ADGRG4: variants seen among roughly 807,000 people sequenced by gnomAD.
ADGRG4 encodes G protein-coupled receptor 112.
ADGRG4 carries 122 observed loss-of-function variants against 126.2 expected under a neutral mutation model. That is an observed-to-expected ratio of 0.97 (90% CI 0.83 to 1.12). ADGRG4 has a LOEUF of 1.12. ADGRG4 is among the 50% of genes most tolerant of loss of function. ADGRG4 has a pLI of 0.00. For synonymous variants in ADGRG4, 943 were observed against 838.7 expected (o/e 1.12, Z -2.15); for missense variants, 2,481 against 2,251.8 (o/e 1.10, Z -2.06).
At position 136,343,918 on chromosome X, in the gene ADGRG4, G is replaced by A. The variant is rs770953067; in HGVS notation, c.686-474G>A. Among the ~76,000 whole-genome samples the A allele has an allele frequency of 2.7e-5, 3 of 111,932 alleles. No homozygotes were observed. In the South Asian group the frequency reaches 1.1e-3, roughly 41 times the overall value. ...ATGTAATGGGTGTGAAAGTGATGGA[G>A]CCAGCATTTAAAACTAATCCATTTG... On this transcript the variant is annotated intron_variant, in intron 5 of 25. Transcript: ENST00000394143.
rs988244971 is a variant in ADGRG4 at position 136,416,389 on chromosome X, T to C, written c.9206-65T>C. ...TCCTTCATTTGATAAAATTTTCTTA[T>C]GCTTCTACTATGTGCAAAGTCCCTG... On this transcript the variant is annotated intron_variant, in intron 25 of 25. Transcript: ENST00000394143. The C allele has an allele frequency of 2.2e-5, 19 of 881,040 alleles. No individual in the cohort carries two copies. In the African/African-American group the frequency reaches 3.6e-4, roughly 17 times the overall value. 72.6% of individuals were successfully genotyped at this position (881,040 alleles called of 1,213,427 possible).
intron 15 of ADGRG4, among the ~76,000 whole-genome samples, chrX:136,375,873 A>G (rs2075222473): frequency 8.9e-6 from 1 of 112,059 alleles, no homozygotes; most frequent in Admixed American, 9.5e-5. Context: ...TTTGTTGTGC[A>G]GAAGCTTTTT....
chrX:136,348,644 C>T lies in ADGRG4; in HGVS notation c.4938C>T (p.Leu1646=). ...CCAGGATCACACCTACGACCTTTCTCTCTCCAACAGAGCCAACTTTGCCCT... is the reference window on the plus strand; with the variant it reads ...CCAGGATCACACCTACGACCTTTCTTTCTCCAACAGAGCCAACTTTGCCCT... ...APSRITPTTF[L]SPTEPTLPFV... is the part of the protein sequence containing the mutation. Residue 1646 remains leucine (L), a synonymous_variant, in exon 6 of 26, where the codon CTC becomes CTT. Transcript: ENST00000394143. 1.7e-6 allele frequency: 2 copies of T among 1,210,348 alleles called. No individual in the cohort carries two copies. Among genetic ancestry groups the T allele is most frequent in the South Asian group, 3.5e-5 (2 of 56,930 alleles).
At position 136,345,349 on chromosome X, in the gene ADGRG4, T is replaced by C. The variant is rs1293938286; in HGVS notation, c.1643T>C (p.Met548Thr). 3 of 1,209,033 alleles carry C rather than the reference T, an allele frequency of 2.5e-6. No homozygotes were observed. Among genetic ancestry groups the C allele is most frequent in the Admixed American group, 2.2e-5 (1 of 45,680 alleles). Residue 548 changes from methionine to threonine, a missense_variant, in exon 6 of 26, where the codon ATG becomes ACG. By Grantham distance (81) the Met-to-Thr change is moderately conservative. Transcript: ENST00000394143. Reference protein sequence around the residue: ...PRVEDAMSTSMSKETSSKTFS... With the variant: ...PRVEDAMSTSTSKETSSKTFS... ...GTGGAAGATGCCATGTCTACTTCCATGTCGAAAGAGACCTCCTCTAAGACC... is the reference window on the plus strand; with the variant it reads ...GTGGAAGATGCCATGTCTACTTCCACGTCGAAAGAGACCTCCTCTAAGACC...
Position 136,348,942 on chromosome X carries a change from G to C in ADGRG4, c.5236G>C (p.Val1746Leu). The change falls in exon 6 of 26, where the codon GTT becomes CTT. Residue 1746 changes from valine to leucine, a missense_variant. Val to Leu is a conservative substitution (Grantham distance 32). Coordinates refer to ENST00000394143, the MANE Select transcript of ADGRG4 (RefSeq NM_153834.4). ...CACAGATACTTATTCCAGAATCACT[G>C]TTCCTGAAAATATGCTTTCACCTAC... ...ALTDTYSRIT[V>L]PENMLSPTHA... 2 of 1,208,585 alleles carry C rather than the reference G, an allele frequency of 1.7e-6. No homozygotes were observed. Among genetic ancestry groups the C allele is most frequent in the Non-Finnish European group, 2.2e-6 (2 of 893,423 alleles).
At chrX:136,304,355 T>C (rs1188321786) in intron 2 of ADGRG4, 148 bp downstream of exon 2, 1 of 112,477 alleles carries the variant, frequency 8.9e-6, no homozygotes, top group East Asian at 2.8e-4. Context: ...TGCAAATGAT[T>C]ACAATTCTTA....
rs779048026 is a variant in ADGRG4, at chrX:136,361,583, T to C, written c.7273T>C (p.Phe2425Leu). The C allele has an allele frequency of 2.6e-6, 3 of 1,173,310 alleles. No individual in the cohort carries two copies. Among genetic ancestry groups the C allele is most frequent in the South Asian group, 4.0e-5 (2 of 49,745 alleles). Reference protein sequence around the residue: ...IKNEDGNATRFCSISINTGKS... With the variant: ...IKNEDGNATRLCSISINTGKS... ...AAATGAGGATGGAAATGCCACAAGA[T>C]TCTGGTATGTACAGGCCAAGTTCTA... The change falls in exon 12 of 26, where the codon TTC becomes CTC. Residue 2425 changes from phenylalanine to leucine, a missense_variant. Coordinates refer to ENST00000394143, the MANE Select transcript of ADGRG4 (RefSeq NM_153834.4).
intron 5 of ADGRG4, among the ~76,000 whole-genome samples, chrX:136,335,304 TATTTA>T (rs1472441442): frequency 9.0e-6 from 1 of 110,803 alleles, no homozygotes; most frequent in African/African-American, 3.3e-5. Context: ...AGGATTTTTG[TATTTA>T]ATTTCAGGAG....
chrX:136,352,764 G>C (rs1010829106), intron 7 of ADGRG4, among the ~76,000 whole-genome samples: 1 of 111,638 alleles, frequency 9.0e-6, no homozygotes, highest in Non-Finnish European at 1.9e-5. Flanking sequence ...AGTGTCTATG[G>C]CTTGGTTATA....
At chrX:136,305,403 CCCTTGGG>C (rs2074727077) in intron 3 of ADGRG4, among the ~76,000 whole-genome samples, 1 of 111,487 alleles carries the variant, frequency 9.0e-6, no homozygotes, top group Non-Finnish European at 1.9e-5. Flanking sequence ...AGTCATTCTA[CCCTTGGG>C]ACCCCAGGGG....
At position 136,348,565 on chromosome X, in the gene ADGRG4, C is replaced by T. The variant is rs1174185472; in HGVS notation, c.4859C>T (p.Ser1620Leu). Residue 1620 changes from serine to leucine, a missense_variant, in exon 6 of 26, where the codon TCA (serine) becomes TTA (leucine). Ser to Leu is a moderately radical substitution (Grantham distance 145). Coordinates refer to ENST00000394143, the MANE Select transcript of ADGRG4 (RefSeq NM_153834.4). ...VTPVIYAGAT[S>L]KNKMVSSAFT... ...CCTGTGATATATGCTGGGGCTACTT[C>T]AAAAAACAAAATGGTTTCCTCTGCT... 1 of 1,209,739 alleles carries T rather than the reference C, an allele frequency of 8.3e-7. No individual in the cohort carries two copies. Among genetic ancestry groups the T allele is most frequent in the Non-Finnish European group, 1.1e-6 (1 of 894,380 alleles).
At chrX:136,390,695 G>A (rs2075315068) in intron 16 of ADGRG4, among the ~76,000 whole-genome samples, 1 of 111,898 alleles carries the variant, frequency 8.9e-6, no homozygotes, top group Admixed American at 9.5e-5. Flanking sequence ...GTGGAAGGAT[G>A]AGGAAGTTTC....
intron 4 of ADGRG4, among the ~76,000 whole-genome samples, chrX:136,315,347 G>A (rs771437766): frequency 9.1e-6 from 1 of 110,490 alleles, no homozygotes; most frequent in Non-Finnish European, 1.9e-5. Flanking sequence ...CCAGAACGTT[G>A]AATTCCAAGG....
intron 15 of ADGRG4, among the ~76,000 whole-genome samples, chrX:136,380,732 A>G (rs1378628045): frequency 5.0e-5 from 5 of 99,935 alleles, no homozygotes; most frequent in Non-Finnish European, 1.0e-4. Context: ...TTCTTCTTTT[A>G]AGATGAGGTC....
At chrX:136,402,015 G>C (rs751831308) in intron 21 of ADGRG4, among the ~76,000 whole-genome samples, 2 of 112,278 alleles carry the variant, frequency 1.8e-5, no homozygotes, top group Non-Finnish European at 3.8e-5. Context: ...GTGGATACAT[G>C]CACGGTCACC....
At chrX:136,314,855 A>AT (rs2074795242) in intron 4 of ADGRG4, among the ~76,000 whole-genome samples, 1 of 111,726 alleles carries the variant, frequency 9.0e-6, no homozygotes, top group South Asian at 3.7e-4. Context: ...TGAGTAAATA[A>AT]TTTTTTTTCA....
intron 5 of ADGRG4, among the ~76,000 whole-genome samples, chrX:136,342,919 T>TGA (rs769681519): frequency 4.4e-3 from 364 of 81,971 alleles, no homozygotes; most frequent in South Asian, 0.012. Context: ...TGTGTGTGTG[T>TGA]GTGAGAGAGA....
intron 11 of ADGRG4, 112 bp from the exon 12 acceptor site, chrX:136,361,343 G>T (rs369191464): frequency 3.2e-4 from 98 of 305,675 alleles, no homozygotes; most frequent in Middle Eastern, 3.2e-3. Context: ...TAATAATGAC[G>T]TTCATAATAA....
rs548283094 is a variant in ADGRG4, at chrX:136,312,996, T to C, written c.70+4149T>C. Among the ~76,000 whole-genome samples the C allele has an allele frequency of 2.0e-4, 22 of 112,786 alleles. No individual in the cohort carries two copies. In the South Asian group the frequency reaches 8.0e-3, roughly 41 times the overall value. On this transcript the variant is annotated intron_variant, in intron 4 of 25. Coordinates refer to ENST00000394143, the MANE Select transcript of ADGRG4 (RefSeq NM_153834.4). ...GTAGCATGCATCAGCAGTTCATTTA[T>C]TTTTATTGCTGAACAATATTCAATG...
Sources: gnomAD v4.1 joint callset for allele counts (sites outside exome capture counted in the v4.1 genomes callset) on GRCh38, gnomAD v4.1.1 for gene constraint, MANE v1.5 for transcripts, NCBI Gene and HGNC (gene_info 2026-07-23, HGNC 2026-07-21) for gene names.